Variants in NCOA6 observed in about 807,000 individuals in gnomAD.
NCOA6 encodes nuclear receptor coactivator 6.
In NCOA6, 49 loss-of-function variants were observed where a neutral mutation model predicts 171.4. The ratio of observed to expected loss-of-function variants is 0.29; its 90% confidence interval spans 0.23 to 0.36. The LOEUF (loss-of-function observed/expected upper bound fraction) is 0.36. NCOA6 is among the 10% of genes least tolerant of loss of function. The pLI is 1.00. For missense variants in NCOA6, 2,248 were observed against 2,554.5 expected, an observed-to-expected ratio of 0.88 and a Z score of 2.59; for synonymous variants, 910 against 927.5, an observed-to-expected ratio of 0.98 and a Z score of 0.34.
At chr20:34,744,654 GT>G (rs2076250898) in intron 10 of NCOA6, among the ~76,000 whole-genome samples, 1 of 152,186 alleles carries the variant, frequency 6.6e-6, no homozygotes. Context: ...GTAGAATCCA[GT>G]TTTGAAGATT....
chr20:34,771,614 C>T (rs932528628), intron 4 of NCOA6, among the ~76,000 whole-genome samples: 1 of 152,286 alleles, frequency 6.6e-6, no homozygotes, highest in Non-Finnish European at 1.5e-5. Flanking sequence ...CCCTGTCTAC[C>T]TCTTTAAACT....
chr20:34,792,798 G>A (rs1057351114), intron 1 of NCOA6, among the ~76,000 whole-genome samples: 26 of 39,062 alleles, frequency 6.7e-4, no homozygotes, highest in Non-Finnish European at 1.2e-3. Flanking sequence ...TTTTTTTTTT[G>A]AGACAGGGTC....
intron 5 of NCOA6, among the ~76,000 whole-genome samples, chr20:34,764,639 C>G (rs1320232155): frequency 6.6e-6 from 1 of 151,496 alleles, no homozygotes; most frequent in Non-Finnish European, 1.5e-5. Context: ...GAGCCAAGAT[C>G]GCGCAACTGC....
intron 4 of NCOA6, among the ~76,000 whole-genome samples, chr20:34,774,696 G>A (rs1434003529): frequency 6.6e-6 from 1 of 152,138 alleles, no homozygotes; most frequent in Admixed American, 6.5e-5. Flanking sequence ...ACACAGGAGG[G>A]GAAGAGAGGG....
chr20:34,728,303 T>C (rs1166997507), intron 13 of NCOA6, among the ~76,000 whole-genome samples: 1 of 152,150 alleles, frequency 6.6e-6, no homozygotes, highest in Non-Finnish European at 1.5e-5. Context: ...TTTCTTAGTA[T>C]ATGAAGATTT....
intron 14 of NCOA6, among the ~76,000 whole-genome samples, chr20:34,719,372 T>C (rs1989014094): frequency 6.6e-6 from 1 of 152,172 alleles, no homozygotes; most frequent in African/African-American, 2.4e-5. Context: ...GGCTCACACC[T>C]GTAATCCCAG....
At chr20:34,749,278 A>G in intron 9 of NCOA6, 125 bp downstream of exon 9, 1 of 1,189,840 alleles carries the variant, frequency 8.4e-7, no homozygotes, top group Non-Finnish European at 1.2e-6. Flanking sequence ...TGAGTTGATA[A>G]TTATTGAAGC....
chr20:34,801,871 CA>C (rs1437003062), intron 1 of NCOA6, among the ~76,000 whole-genome samples: 1 of 151,792 alleles, frequency 6.6e-6, no homozygotes, highest in Non-Finnish European at 1.5e-5. Flanking sequence ...AAAAACAAAA[CA>C]AAACAAAACA....
In NCOA6 at chr20:34,741,902, C is replaced by T; in HGVS notation, c.4354G>A (p.Val1452Ile). 6.2e-7 allele frequency: 1 copy of T among 1,614,194 alleles called. No homozygotes were observed. The highest frequency in any genetic ancestry group is 1.7e-5 in the Admixed American group (1 of 60,028). ...TTTTTGGACTGATCTTCAGGGACAA[C>T]CATTTTAACTTCTTGGGCAGGGACT... The part of the protein sequence containing the change: ...KAVPAQEVKM[V>I]VPEDQSKKDG... Residue 1452 changes from valine (V) to isoleucine (I), a missense_variant, in exon 11 of 15, where the codon GTT (valine) becomes ATT (isoleucine). By Grantham distance (29) the Val-to-Ile change is conservative. Around this residue, in one of 7 missense-constraint regions of NCOA6, gnomAD observed 884 missense variants for 941.9 expected, o/e 0.94. Coordinates refer to ENST00000359003, the MANE Select transcript of NCOA6 (RefSeq NM_014071.5).
Position 34,740,571 on chromosome 20 carries a change from G to A in NCOA6, c.5685C>T (p.Gly1895=), listed in dbSNP as rs764791597. ...TLLKMTSSPV[G]PGTASAGPSL... ...TGGGTCCTGCTGAGGCAGTGCCCGG[G>A]CCCACAGGGCTAGAGGTCATTTTTA... The change falls in exon 11 of 15, where the codon GGC becomes GGT. Residue 1895 remains glycine, a synonymous_variant. Coordinates refer to ENST00000359003, the MANE Select transcript of NCOA6 (RefSeq NM_014071.5). 1.9e-6 allele frequency: 3 copies of A among 1,614,140 alleles called. No homozygotes were observed. Among genetic ancestry groups the A allele is most frequent in the Middle Eastern group, 1.6e-4 (1 of 6,062 alleles).
chr20:34,790,114 C>G (rs550659013), intron 2 of NCOA6, among the ~76,000 whole-genome samples: 100 of 149,874 alleles, frequency 6.7e-4, no homozygotes, highest in African/African-American at 2.2e-3. Flanking sequence ...CTAAATTACA[C>G]ATATATTCAC....
chr20:34,736,388 A>G (rs2075958534), intron 12 of NCOA6, among the ~76,000 whole-genome samples: 1 of 152,206 alleles, frequency 6.6e-6, no homozygotes. Flanking sequence ...GTCACAGAAC[A>G]GGGAAAACTC....
At chr20:34,751,735 T>A (rs1385075910) in intron 8 of NCOA6, among the ~76,000 whole-genome samples, 1 of 152,218 alleles carries the variant, frequency 6.6e-6, no homozygotes, top group Non-Finnish European at 1.5e-5. Flanking sequence ...CAGCTATTTC[T>A]AACTTAGACA....
intron 1 of NCOA6, among the ~76,000 whole-genome samples, chr20:34,815,214 A>C (rs6120738): frequency 0.42 from 50,343 of 119,594 alleles, 8,803 homozygotes; most frequent in South Asian, 0.54. Context: ...TCTCTACCCC[A>C]AAAAAAAAAA....
chr20:34,816,844 G>A (rs139725021), intron 1 of NCOA6, among the ~76,000 whole-genome samples: 1 of 150,778 alleles, frequency 6.6e-6, no homozygotes, highest in East Asian at 2.0e-4. Flanking sequence ...AGAGCAGCTG[G>A]GTGCAGTGGC....
At chr20:34,766,550 C>T in intron 5 of NCOA6, among the ~76,000 whole-genome samples, 1 of 151,838 alleles carries the variant, frequency 6.6e-6, no homozygotes, top group East Asian at 1.9e-4. Context: ...ACACTTGACC[C>T]TGTCTCAAAA....
intron 1 of NCOA6, among the ~76,000 whole-genome samples, chr20:34,806,629 C>T (rs904208819): frequency 6.6e-6 from 1 of 152,094 alleles, no homozygotes. Context: ...ATGTGGATAT[C>T]CAGTTTTCTC....
At chr20:34,792,934 C>T (rs953547901) in intron 1 of NCOA6, among the ~76,000 whole-genome samples, 1 of 151,930 alleles carries the variant, frequency 6.6e-6, no homozygotes, top group Non-Finnish European at 1.5e-5. Context: ...CATGCCACCA[C>T]ATCTGGATAA....
chr20:34,741,752 T>C lies in NCOA6; in HGVS notation c.4504A>G (p.Asn1502Asp), dbSNP rs370523466. The C allele has an allele frequency of 6.2e-7, 1 of 1,614,180 alleles. No individual in the cohort carries two copies. The highest frequency in any genetic ancestry group is 8.5e-7 in the Non-Finnish European group (1 of 1,180,022). The part of the protein sequence containing the change: ...SQLLDNSGAP[N>D]VTIKPPGLTD... ...AGCCCAGGGGGTTTAATTGTCACAT[T>C]GGGAGCTCCAGAGTTGTCAAGAAGT... Residue 1502 changes from asparagine (N) to aspartate (D), a missense_variant, in exon 11 of 15, where the codon AAT becomes GAT. This residue lies in a region of NCOA6 where 884 missense variants were observed against 941.9 expected (regional missense o/e 0.94). Coordinates refer to ENST00000359003, the MANE Select transcript of NCOA6 (RefSeq NM_014071.5).
Sources: allele counts gnomAD v4.1 joint callset (sites outside exome capture counted in the v4.1 genomes callset), GRCh38; gene constraint gnomAD v4.1.1; regional missense constraint gnomAD v4.1.1; transcripts MANE v1.5; gene names NCBI Gene and HGNC (gene_info 2026-07-23, HGNC 2026-07-21).